PLBD1: variants seen among roughly 807,000 people sequenced by gnomAD.
The protein encoded by PLBD1 is lysosomal leucine aminopeptidase.
PLBD1 carries 60 observed loss-of-function variants against 63.0 expected under a neutral mutation model. That is an observed-to-expected ratio of 0.95 (90% confidence interval 0.77 to 1.18). The LOEUF is 1.18. PLBD1 is among the 50% of genes most tolerant of loss of function. PLBD1 has a pLI of 0.00. For synonymous variants in PLBD1, 262 were observed against 248.0 expected (o/e 1.06, Z -0.53); for missense variants, 598 against 677.9 (o/e 0.88, Z 1.31).
At chr12:14,547,180 T>TGTGTGTGTG (rs1945622435) in intron 2 of PLBD1, among the ~76,000 whole-genome samples, 5 of 138,142 alleles carry the variant, frequency 3.6e-5, no homozygotes, top group African/African-American at 1.4e-4. Flanking sequence ...GCACCTGGCT[T>TGTGTGTGTG]TGTGTGTGTG....
At chr12:14,514,832 CA>C (rs946067299) in intron 6 of PLBD1, among the ~76,000 whole-genome samples, 111 of 151,972 alleles carry the variant, frequency 7.3e-4, no homozygotes, top group African/African-American at 2.4e-3. Context: ...CTTGGCCTCC[CA>C]AAGTGCTGGG....
chr12:14,567,074 C>T (rs1945794195), intron 1 of PLBD1, among the ~76,000 whole-genome samples: 1 of 152,070 alleles, frequency 6.6e-6, no homozygotes, highest in African/African-American at 2.4e-5. Flanking sequence ...CAGCGTCGCC[C>T]ACAGAGAGCG....
intron 6 of PLBD1, among the ~76,000 whole-genome samples, chr12:14,535,260 T>C (rs1269459907): frequency 6.6e-6 from 1 of 152,230 alleles, no homozygotes; most frequent in Non-Finnish European, 1.5e-5. Flanking sequence ...GGTTAAGTGC[T>C]GTGGATAGTG....
At chr12:14,516,018 C>T (rs1945333861) in intron 6 of PLBD1, among the ~76,000 whole-genome samples, 1 of 151,584 alleles carries the variant, frequency 6.6e-6, no homozygotes. Context: ...GCCTGGGCAA[C>T]AGAGCGAGAC....
At chr12:14,527,573 A>C (rs1945425787) in intron 6 of PLBD1, among the ~76,000 whole-genome samples, 1 of 152,222 alleles carries the variant, frequency 6.6e-6, no homozygotes, top group Non-Finnish European at 1.5e-5. Flanking sequence ...CTTACGATGC[A>C]CTTTCCTCCA....
chr12:14,536,871 C>CA (rs1264836439), intron 4 of PLBD1, among the ~76,000 whole-genome samples, 161 bp from the exon 5 acceptor site: 1 of 152,034 alleles, frequency 6.6e-6, no homozygotes, highest in African/African-American at 2.4e-5. Flanking sequence ...GGTGGATCTC[C>CA]CGAGGTGAGG....
chr12:14,507,783 C>G (rs1053559063), intron 8 of PLBD1, among the ~76,000 whole-genome samples: 9 of 152,194 alleles, frequency 5.9e-5, no homozygotes, highest in Admixed American at 6.5e-5. Flanking sequence ...GGCTCAGCTT[C>G]ATTCAAAGCT....
intron 4 of PLBD1, among the ~76,000 whole-genome samples, chr12:14,538,012 G>C (rs1945533337): frequency 6.6e-6 from 1 of 151,620 alleles, no homozygotes; most frequent in South Asian, 2.1e-4. Context: ...TGTGATCTTG[G>C]ATCCAGAGTT....
At chr12:14,549,270 C>T (rs16909969) in intron 2 of PLBD1, among the ~76,000 whole-genome samples, 16,874 of 152,188 alleles carry the variant, frequency 0.11, 1,421 homozygotes, top group South Asian at 0.33. Flanking sequence ...TAACAAAATA[C>T]GGTGGCCGTC....
chr12:14,560,401 A>G (rs1056029781), intron 1 of PLBD1, among the ~76,000 whole-genome samples: 1 of 152,212 alleles, frequency 6.6e-6, no homozygotes, highest in African/African-American at 2.4e-5. Flanking sequence ...GAAATGAGAA[A>G]GAGATCAAGC....
chr12:14,547,647 C>T (rs1014960348), intron 2 of PLBD1, among the ~76,000 whole-genome samples: 7 of 152,202 alleles, frequency 4.6e-5, no homozygotes, highest in South Asian at 2.1e-4. Flanking sequence ...ATTTTGCTCA[C>T]ATTTACCTCT....
intron 5 of PLBD1, chr12:14,536,093 T>A (rs1385171009): frequency 3.2e-6 from 1 of 313,760 alleles, no homozygotes; most frequent in African/African-American, 2.2e-5. Context: ...GTCAGGAGTT[T>A]GAGACAAGCC....
chr12:14,542,340 T>C (rs540492261), intron 2 of PLBD1, 49 bp from the exon 3 acceptor site: 1 of 1,401,128 alleles, frequency 7.1e-7, no homozygotes, highest in East Asian at 2.3e-5. Context: ...CTTCTTGGAT[T>C]TCTCCATCAC....
At position 14,517,955 on chromosome 12, in the gene PLBD1, C is replaced by T. The variant is rs1019591797; in HGVS notation, c.845-6244G>A. Among the ~76,000 whole-genome samples the T allele has an allele frequency of 5.3e-5, 8 of 152,064 alleles. No homozygotes were observed. The East Asian group carries it at 5.8e-4, about 11-fold the overall frequency. On this transcript the variant is annotated intron_variant, in intron 6 of 10. Transcript: ENST00000240617. ...CAGCACTTTGGGAGGCTGAGGCAGG[C>T]GGATCACTTGAGGCCAGGAGTTCGA...
chr12:14,554,315 C>T (rs1190827453), intron 1 of PLBD1: 2 of 152,132 alleles, frequency 1.3e-5, no homozygotes, highest in Non-Finnish European at 2.9e-5. Flanking sequence ...TGTATCCTCT[C>T]GCTTCTGTGC....
chr12:14,551,432 A>G (rs1277509712), intron 2 of PLBD1, among the ~76,000 whole-genome samples: 1 of 152,202 alleles, frequency 6.6e-6, no homozygotes, highest in Non-Finnish European at 1.5e-5. Flanking sequence ...GGCTTTTTCT[A>G]TAGATTTTTT....
At chr12:14,521,045 C>T (rs1481734024) in intron 6 of PLBD1, among the ~76,000 whole-genome samples, 1 of 152,156 alleles carries the variant, frequency 6.6e-6, no homozygotes, top group Non-Finnish European at 1.5e-5. Flanking sequence ...TGTTTCTCCC[C>T]ATCCTGAGGC....
intron 1 of PLBD1, among the ~76,000 whole-genome samples, chr12:14,558,387 T>C (rs1945723078): frequency 1.3e-5 from 2 of 152,186 alleles, no homozygotes; most frequent in Admixed American, 1.3e-4. Context: ...TTGACAATTG[T>C]AGGCAGCACC....
intron 1 of PLBD1, among the ~76,000 whole-genome samples, chr12:14,557,958 T>C: frequency 6.9e-6 from 1 of 144,174 alleles, no homozygotes; most frequent in Non-Finnish European, 1.5e-5. Context: ...TTATTCACAA[T>C]AGCAAAGACA....
Sources: gnomAD v4.1 joint callset for allele counts (sites outside exome capture counted in the v4.1 genomes callset) on GRCh38, gnomAD v4.1.1 for gene constraint, MANE v1.5 for transcripts, NCBI Gene and HGNC (gene_info 2026-07-23, HGNC 2026-07-21) for gene names.